Variants in DNAH7 observed in about 807,000 individuals in gnomAD.
DNAH7 encodes the protein dynein axonemal heavy chain 7.
Under a neutral mutation model 444.6 loss-of-function variants are expected in DNAH7, and 397 were observed. The ratio of observed to expected loss-of-function variants is 0.89; its 90% CI spans 0.82 to 0.97. The LOEUF (loss-of-function observed/expected upper bound fraction) is 0.97, where lower values mean the gene tolerates loss of function less well. Ranked by LOEUF, DNAH7 falls within the 50% of genes least tolerant of loss-of-function variation. The pLI is 0.00. For synonymous variants in DNAH7, 1,636 were observed against 1,624.4 expected, an observed-to-expected ratio of 1.01 and a Z score of -0.17; for missense variants, 4,902 against 4,800.8, an observed-to-expected ratio of 1.02 and a Z score of -0.62.
At chr2:195,873,723 A>G in intron 38 of DNAH7, 29 bp from the exon 39 acceptor site, 1 of 1,482,260 alleles carries the variant, frequency 6.7e-7, no homozygotes. Context: ...AACTCTTAAT[A>G]ATGTTACTAG....
At chr2:195,827,838 A>G (rs1371232005) in intron 48 of DNAH7, among the ~76,000 whole-genome samples, 2 of 152,086 alleles carry the variant, frequency 1.3e-5, no homozygotes, top group Non-Finnish European at 2.9e-5. Flanking sequence ...CAGACTCCCA[A>G]AGTGCTACGA....
At chr2:195,812,724 A>T (rs1697028648) in intron 51 of DNAH7, among the ~76,000 whole-genome samples, 1 of 152,152 alleles carries the variant, frequency 6.6e-6, no homozygotes, top group South Asian at 2.1e-4. Flanking sequence ...TTTTAGACCA[A>T]TATTAAGATT....
intron 24 of DNAH7, among the ~76,000 whole-genome samples, chr2:195,913,796 C>G (rs1271530712): frequency 6.6e-6 from 1 of 152,062 alleles, no homozygotes; most frequent in Non-Finnish European, 1.5e-5. Context: ...CTCACTGCAA[C>G]CCTCCGCCTC....
intron 58 of DNAH7, 36 bp downstream of exon 58, chr2:195,786,971 GCAA>G: frequency 6.6e-7 from 1 of 1,518,522 alleles, no homozygotes; most frequent in Non-Finnish European, 8.8e-7. Context: ...ATGATAAAGA[GCAA>G]CATAGGTAAT....
chr2:195,994,566 G>T, intron 12 of DNAH7: 1 of 484,920 alleles, frequency 2.1e-6, no homozygotes, highest in Non-Finnish European at 4.0e-6. Context: ...TGTTTTCACT[G>T]GATTGTGTGT....
intron 17 of DNAH7, among the ~76,000 whole-genome samples, chr2:195,968,624 G>A (rs1691643509): frequency 6.6e-6 from 1 of 152,156 alleles, no homozygotes; most frequent in African/African-American, 2.4e-5. Flanking sequence ...CAGCCACCCT[G>A]CATGGTGTCT....
In DNAH7 at chr2:195,876,527, G is replaced by A. The variant is rs373832851; in HGVS notation, c.6117+17C>T. 1 of 1,612,728 alleles carries A rather than the reference G, an allele frequency of 6.2e-7. No individual in the cohort carries two copies. Among genetic ancestry groups the A allele is most frequent in the Non-Finnish European group, 8.5e-7 (1 of 1,179,186 alleles). On this transcript the variant is annotated intron_variant, in intron 37 of 64. Transcript: ENST00000312428. ...ATGTATATGAATAGGCCCGGGTACTGTACAAAGAGTCATTACCATTCTCTT... is the reference window on the plus strand; with the variant it reads ...ATGTATATGAATAGGCCCGGGTACTATACAAAGAGTCATTACCATTCTCTT...
intron 27 of DNAH7, chr2:195,904,266 GA>G (rs1372505192): frequency 6.6e-6 from 1 of 152,310 alleles, no homozygotes; most frequent in Non-Finnish European, 1.5e-5. Context: ...ACTTCACCCA[GA>G]AGGTCAGATC....
chr2:195,794,145 G>A lies in DNAH7; in HGVS notation c.10716+193C>T, dbSNP rs1696024317. On this transcript the variant is annotated intron_variant, in intron 57 of 64. Transcript: ENST00000312428. ...TCTCAGCTGAGCAGGAATGAGGCTG[G>A]TGCTAAAATTAAAATAAAATATTAA... Among the ~76,000 whole-genome samples the A allele has an allele frequency of 2.6e-5, 4 of 152,166 alleles. No homozygotes were observed. The South Asian group carries it at 8.3e-4, about 32-fold the overall frequency.
intron 5 of DNAH7, among the ~76,000 whole-genome samples, chr2:196,030,327 C>T (rs1695972200): frequency 6.6e-6 from 1 of 152,140 alleles, no homozygotes; most frequent in Non-Finnish European, 1.5e-5. Flanking sequence ...CAATTATCTC[C>T]CACTGGGTCC....
intron 49 of DNAH7, among the ~76,000 whole-genome samples, chr2:195,820,360 C>T (rs1272214447): frequency 6.6e-6 from 1 of 151,630 alleles, no homozygotes; most frequent in Non-Finnish European, 1.5e-5. Context: ...GGCTTAAAAC[C>T]TAGATGACGA....
chr2:196,009,002 T>C (rs915325485), intron 10 of DNAH7, among the ~76,000 whole-genome samples: 1 of 152,110 alleles, frequency 6.6e-6, no homozygotes, highest in Non-Finnish European at 1.5e-5. Flanking sequence ...GGAGCAGCCA[T>C]GTCATGGCCA....
At chr2:195,962,541 G>C (rs1691181309) in intron 17 of DNAH7, among the ~76,000 whole-genome samples, 1 of 152,070 alleles carries the variant, frequency 6.6e-6, no homozygotes, top group Non-Finnish European at 1.5e-5. Context: ...GTGGAGATAG[G>C]GTTTCACCAT....
At chr2:195,976,784 A>AGAGAGAGAGAGAGAGAGAGAGAGG (rs1271382845) in intron 15 of DNAH7, among the ~76,000 whole-genome samples, 6 of 146,128 alleles carry the variant, frequency 4.1e-5, no homozygotes, top group South Asian at 2.1e-4. Context: ...AGAGAGAGAG[A>AGAGAGAGAGAGAGAGAGAGAGAGG]GAGACTCTCT....
Position 195,737,891 on chromosome 2 carries a change from A to AAATAAAT in DNAH7, c.*29_*30insATTTATT, listed in dbSNP as rs3049436. On this transcript the variant is annotated 3_prime_UTR_variant, in exon 65 of 65. Coordinates refer to ENST00000312428, the MANE Select transcript of DNAH7 (RefSeq NM_018897.3). Reference sequence around the variant, plus strand: ...TTTCTCTACTCAGCCAGCCAACAAGAAATAGGAACAAGGAAATGATGTCTT... The same window carrying AAATAAAT: ...TTTCTCTACTCAGCCAGCCAACAAGAAATAAATAATAGGAACAAGGAAATGATGTCTT... 1 of 1,561,614 alleles carries AAATAAAT rather than the reference A, an allele frequency of 6.4e-7. No individual in the cohort carries two copies. The highest frequency in any genetic ancestry group is 1.6e-5 in the African/African-American group (1 of 62,618).
At chr2:195,809,509 C>A (rs1303104862) in intron 52 of DNAH7, among the ~76,000 whole-genome samples, 1 of 152,060 alleles carries the variant, frequency 6.6e-6, no homozygotes, top group African/African-American at 2.4e-5. Flanking sequence ...CTAATATAAT[C>A]AATTTATTTT....
chr2:195,896,794 A>G (rs1702345619), intron 29 of DNAH7, among the ~76,000 whole-genome samples: 1 of 152,212 alleles, frequency 6.6e-6, no homozygotes, highest in African/African-American at 2.4e-5. Context: ...GCTCCATAAT[A>G]TATTTGCATG....
In DNAH7 at chr2:195,987,078, TC is replaced by T. The variant is rs1161614523; in HGVS notation, c.1741del (p.Glu581LysfsTer2). On this transcript the variant is annotated frameshift_variant, in exon 14 of 65. Transcript: ENST00000312428. LOFTEE classifies it high-confidence loss of function. ...LLAKMFRDHQ[E>X]VNTRLCDEFE... ...ATCACATAAATACCTTGTATTTACT[TC>T]CTGATGATCTCTGAACATTTTAGCT... 6.3e-7 allele frequency: 1 copy of T among 1,595,834 alleles called. No individual in the cohort carries two copies. The highest frequency in any genetic ancestry group is 1.4e-5 in the African/African-American group (1 of 73,876).
intron 48 of DNAH7, among the ~76,000 whole-genome samples, chr2:195,828,781 C>A (rs944985908): frequency 8.6e-5 from 13 of 151,696 alleles, no homozygotes; most frequent in African/African-American, 3.1e-4. Context: ...TTCCACAAAG[C>A]CAATTTTCCT....
Sources: allele counts gnomAD v4.1 joint callset (sites outside exome capture counted in the v4.1 genomes callset), GRCh38; gene constraint gnomAD v4.1.1; transcripts MANE v1.5; gene names NCBI Gene and HGNC (gene_info 2026-07-23, HGNC 2026-07-21).